MACROD2: variants seen among roughly 807,000 people sequenced by gnomAD.
MACROD2 encodes ADP-ribose glycohydrolase MACROD2.
In MACROD2, 36 loss-of-function variants were observed where a neutral mutation model predicts 70.4. The observed-to-expected ratio is 0.51, with a 90% CI of 0.39 to 0.68. MACROD2 has a LOEUF of 0.68. Ranked by LOEUF, MACROD2 falls within the 30% of genes least tolerant of loss-of-function variation. The pLI is 0.00. For missense variants in MACROD2, 496 were observed against 538.4 expected (o/e 0.92, Z 0.78); for synonymous variants, 172 against 178.8 (o/e 0.96, Z 0.30).
chr20:14,682,151 A>G (rs1178928189), intron 4 of MACROD2, among the ~76,000 whole-genome samples: 1 of 152,172 alleles, frequency 6.6e-6, no homozygotes, highest in East Asian at 1.9e-4. Context: ...GGAGCAATCT[A>G]AATAATGCAG....
intron 5 of MACROD2, among the ~76,000 whole-genome samples, chr20:15,197,960 C>CTTTT (rs56284199): frequency 0.02 from 2,416 of 118,622 alleles, 97 homozygotes; most frequent in African/African-American, 0.04. Flanking sequence ...GCCTGGCCTC[C>CTTTT]TTTTTTTTTT....
At chr20:14,961,033 G>A (rs2074578904) in intron 5 of MACROD2, among the ~76,000 whole-genome samples, 1 of 152,078 alleles carries the variant, frequency 6.6e-6, no homozygotes, top group Admixed American at 6.6e-5. Context: ...ATGTGCTAAG[G>A]ATAAATTAAG....
intron 4 of MACROD2, among the ~76,000 whole-genome samples, chr20:14,680,357 C>T (rs563501612): frequency 2.6e-5 from 4 of 152,210 alleles, no homozygotes; most frequent in African/African-American, 7.2e-5. Flanking sequence ...TAGTTCTCCC[C>T]AAGTTAGAGG....
chr20:14,528,329 T>G (rs557354311), intron 4 of MACROD2, among the ~76,000 whole-genome samples: 3 of 151,204 alleles, frequency 2.0e-5, no homozygotes, highest in Non-Finnish European at 4.4e-5. Context: ...CTGTTTTTTT[T>G]TTTTTCAGTA....
At chr20:15,737,541 G>GC (rs2051040692) in intron 8 of MACROD2, among the ~76,000 whole-genome samples, 1 of 152,188 alleles carries the variant, frequency 6.6e-6, no homozygotes, top group Non-Finnish European at 1.5e-5. Flanking sequence ...CATGATAGTT[G>GC]ATGTGCATGA....
At chr20:15,329,782 C>T (rs1051151998) in intron 6 of MACROD2, among the ~76,000 whole-genome samples, 9 of 151,952 alleles carry the variant, frequency 5.9e-5, no homozygotes, top group Admixed American at 4.6e-4. Flanking sequence ...AGGATTCTAT[C>T]CCCGACCTAC....
intron 8 of MACROD2, among the ~76,000 whole-genome samples, chr20:15,767,722 T>G (rs2051550833): frequency 1.3e-5 from 2 of 152,188 alleles, no homozygotes; most frequent in Non-Finnish European, 2.9e-5. Flanking sequence ...TACCTTGTAT[T>G]CATTGTTAAT....
chr20:14,198,170 G>A (rs940720600), intron 3 of MACROD2, among the ~76,000 whole-genome samples: 1 of 151,924 alleles, frequency 6.6e-6, no homozygotes, highest in Non-Finnish European at 1.5e-5. Context: ...AAGAGAGAGA[G>A]AAGGTAAGAG....
At position 14,348,133 on chromosome 20, in the gene MACROD2, G is replaced by A. The variant is rs1373258770; in HGVS notation, c.272-145346G>A. Among the ~76,000 whole-genome samples the A allele has an allele frequency of 3.9e-5, 6 of 152,122 alleles. No homozygotes were observed. In the East Asian group the frequency reaches 1.2e-3, roughly 29 times the overall value. ...AAATACAAAAACATTAGCCGGTGTG[G>A]TGGTACGCACCTGTAGTCCCAGCTA... On this transcript the variant is annotated intron_variant, in intron 3 of 17. Transcript: ENST00000684519.
intron 6 of MACROD2, among the ~76,000 whole-genome samples, chr20:15,236,053 T>G (rs1425896520): frequency 6.6e-6 from 1 of 152,240 alleles, no homozygotes; most frequent in Middle Eastern, 3.2e-3. Context: ...AAAGGCACTT[T>G]TGCATTTGTG....
intron 5 of MACROD2, among the ~76,000 whole-genome samples, chr20:15,164,102 A>G (rs1375203459): frequency 6.6e-6 from 1 of 152,136 alleles, no homozygotes; most frequent in Non-Finnish European, 1.5e-5. Context: ...TTAATACTCA[A>G]AGGACATACA....
intron 5 of MACROD2, among the ~76,000 whole-genome samples, chr20:15,189,635 A>G (rs2076557126): frequency 6.6e-6 from 1 of 152,222 alleles, no homozygotes; most frequent in Non-Finnish European, 1.5e-5. Context: ...CACTTCGGTC[A>G]GGCTGGAATA....
At chr20:14,879,832 A>C (rs2026093) in intron 5 of MACROD2, among the ~76,000 whole-genome samples, 5 of 151,966 alleles carry the variant, frequency 3.3e-5, no homozygotes, top group African/African-American at 1.2e-4. Context: ...AAAACAAACT[A>C]CGAAAATAAT....
chr20:15,267,278 C>T (rs1206230396), intron 6 of MACROD2, among the ~76,000 whole-genome samples: 1 of 152,152 alleles, frequency 6.6e-6, no homozygotes, highest in Non-Finnish European at 1.5e-5. Flanking sequence ...TACCTCCCTA[C>T]CCCCAGGGAA....
intron 6 of MACROD2, among the ~76,000 whole-genome samples, chr20:15,429,196 A>G (rs1251519157): frequency 1.3e-5 from 2 of 152,204 alleles, no homozygotes; most frequent in Non-Finnish European, 2.9e-5. Flanking sequence ...ATGCCTGTAA[A>G]GAGACTACAT....
At chr20:15,860,592 C>T (rs2064412147) in intron 8 of MACROD2, among the ~76,000 whole-genome samples, 1 of 151,632 alleles carries the variant, frequency 6.6e-6, no homozygotes, top group Non-Finnish European at 1.5e-5. Context: ...TGAAGTGTTT[C>T]AAATATATAT....
intron 2 of MACROD2, among the ~76,000 whole-genome samples, chr20:14,084,751 A>G (rs148159316): frequency 1.6e-3 from 249 of 152,100 alleles, no homozygotes; most frequent in Middle Eastern, 6.9e-3. Flanking sequence ...AGCAAAAGGT[A>G]AAATACAATT....
chr20:14,016,396 GA>G (rs1320723747), intron 2 of MACROD2, among the ~76,000 whole-genome samples: 2 of 152,106 alleles, frequency 1.3e-5, no homozygotes, highest in Non-Finnish European at 2.9e-5. Context: ...TCCTTTGATT[GA>G]AAAGTTTTTA....
chr20:14,277,238 A>G (rs746337407), intron 3 of MACROD2, among the ~76,000 whole-genome samples: 13 of 152,184 alleles, frequency 8.5e-5, no homozygotes, highest in Non-Finnish European at 1.8e-4. Context: ...TCGTGAGTTC[A>G]GGAGAGTAAG....
Sources: allele counts gnomAD v4.1 joint callset (sites outside exome capture counted in the v4.1 genomes callset), GRCh38; gene constraint gnomAD v4.1.1; transcripts MANE v1.5; gene names NCBI Gene and HGNC (gene_info 2026-07-23, HGNC 2026-07-21).